AHDC1: variants seen among roughly 807,000 people sequenced by gnomAD.
AHDC1 encodes the protein transcription factor Gibbin.
AHDC1 carries 7 observed loss-of-function variants against 87.9 expected under a neutral mutation model. The observed-to-expected ratio is 0.08, with a 90% confidence interval of 0.05 to 0.15. AHDC1 has a LOEUF of 0.15. Among genes scored for constraint, AHDC1 ranks in the 10% least tolerant of loss-of-function variants. AHDC1 has a pLI of 1.00. For synonymous variants in AHDC1, 1,051 were observed against 1,006.8 expected, an observed-to-expected ratio of 1.04 and a Z score of -0.83; for missense variants, 1,841 against 2,253.2, an observed-to-expected ratio of 0.82 and a Z score of 3.70.
intron 3 of AHDC1, among the ~76,000 whole-genome samples, chr1:27,596,608 C>T (rs1341197194): frequency 3.3e-5 from 5 of 152,118 alleles, no homozygotes; most frequent in African/African-American, 9.7e-5. Flanking sequence ...CAGCCTCACA[C>T]CTGAACTACA....
In AHDC1 at chr1:27,595,472, TTG is replaced by T. The variant is rs765934764; in HGVS notation, c.-629+7923_-629+7924del. ...TAGCTGTGTGTGTGTGTGTGTGTGATTGTGTGTGTGTTGGGGTGTTTAGGGAT... is the reference window on the plus strand; with the variant it reads ...TAGCTGTGTGTGTGTGTGTGTGTGATTGTGTGTGTTGGGGTGTTTAGGGAT... On this transcript the variant is annotated intron_variant, in intron 3 of 8. Coordinates refer to ENST00000673934, the MANE Select transcript of AHDC1 (RefSeq NM_001371928.1). The surrounding 1 kb of genome is among the most constrained non-coding windows in gnomAD (Gnocchi z 4.0). 1.3e-4 allele frequency among the ~76,000 whole-genome samples: 17 copies of T among 131,840 alleles called. No individual in the cohort carries two copies. The highest frequency in any genetic ancestry group is 3.6e-4 in the Admixed American group (5 of 13,942). The allele number at this position is 131,840 out of a possible 152,430, so 86.5% of individuals were successfully genotyped here. A position where few individuals can be genotyped will look rare whatever the true frequency, so the allele number is the denominator to read the frequency against.
At position 27,551,823 on chromosome 1, in the gene AHDC1, G is replaced by A. The variant is rs1188980326; in HGVS notation, c.293C>T (p.Pro98Leu). ...AARPVSQARCPTPVGDGSSSR... is the reference protein window; with the variant it reads ...AARPVSQARCLTPVGDGSSSR... ...GCTGCTGCCGTCTCCGACCGGTGTG[G>A]GGCAGCGGGCCTGTGAGACAGGACG... Residue 98 changes from proline (P) to leucine (L), a missense_variant, in exon 8 of 9, where the codon CCC becomes CTC. Physicochemically the swap from Pro to Leu is moderately conservative, Grantham distance 98. Transcript: ENST00000673934. 1.9e-6 allele frequency: 3 copies of A among 1,612,012 alleles called. No homozygotes were observed. Among genetic ancestry groups the A allele is most frequent in the Admixed American group, 1.7e-5 (1 of 59,996 alleles).
chr1:27,575,763 C>G (rs1163670607), intron 3 of AHDC1, among the ~76,000 whole-genome samples: 2 of 151,812 alleles, frequency 1.3e-5, no homozygotes, highest in African/African-American at 4.8e-5. Context: ...CGCCCCGGGC[C>G]CGGCGGAATG....
intron 3 of AHDC1, among the ~76,000 whole-genome samples, chr1:27,559,862 T>C (rs2019989624): frequency 6.6e-6 from 1 of 152,228 alleles, no homozygotes; most frequent in African/African-American, 2.4e-5. Flanking sequence ...GGATTGCTTA[T>C]AGGTTCTGGT....
At chr1:27,570,938 C>G (rs1249506894) in intron 3 of AHDC1, among the ~76,000 whole-genome samples, 2 of 152,074 alleles carry the variant, frequency 1.3e-5, no homozygotes, top group African/African-American at 4.8e-5. Flanking sequence ...CTGGTCAGGT[C>G]TGAGCTGACC....
chr1:27,562,390 G>A lies in AHDC1; in HGVS notation c.-628-3507C>T, dbSNP rs1451700371. Among the ~76,000 whole-genome samples, 3 of 152,116 alleles carry A rather than the reference G, an allele frequency of 2.0e-5. No homozygotes were observed. Among genetic ancestry groups the A allele is most frequent in the Non-Finnish European group, 4.4e-5 (3 of 68,018 alleles). The stretch of plus-strand genomic sequence containing the variant: ...CAGAGCTGCCCCGATTAATCCTGTG[G>A]CTCCAGAGCCTTAATTAGTTTAACA... On this transcript the variant is annotated intron_variant, in intron 3 of 8. Coordinates refer to ENST00000673934, the MANE Select transcript of AHDC1 (RefSeq NM_001371928.1). The surrounding 1 kb of genome is among the most constrained non-coding windows in gnomAD (Gnocchi z 4.4).
chr1:27,570,764 A>G (rs1025824878), intron 3 of AHDC1, among the ~76,000 whole-genome samples: 1 of 152,200 alleles, frequency 6.6e-6, no homozygotes, highest in Non-Finnish European at 1.5e-5. Context: ...TGAGGCCTAG[A>G]GGAATGAGGA....
intron 3 of AHDC1, among the ~76,000 whole-genome samples, chr1:27,578,572 G>C (rs2088822042): frequency 1.3e-5 from 2 of 151,572 alleles, no homozygotes; most frequent in South Asian, 4.2e-4. Context: ...GAGGGCAACA[G>C]AGCAAGACTC....
intron 3 of AHDC1, among the ~76,000 whole-genome samples, chr1:27,599,755 C>T (rs1289730480): frequency 2.0e-5 from 3 of 148,358 alleles, no homozygotes; most frequent in Admixed American, 2.0e-4. Context: ...ACAGGCCACG[C>T]CCCCCCGGGT....
At chr1:27,536,098 G>A (rs980149541) in intron 8 of AHDC1, among the ~76,000 whole-genome samples, 7 of 152,178 alleles carry the variant, frequency 4.6e-5, no homozygotes, top group Admixed American at 6.5e-5. Context: ...GAGCCCATCC[G>A]TCCTCCCCCA....
At chr1:27,569,359 TG>T (rs2020469758) in intron 3 of AHDC1, among the ~76,000 whole-genome samples, 1 of 152,120 alleles carries the variant, frequency 6.6e-6, no homozygotes, top group Non-Finnish European at 1.5e-5. Context: ...ATTTTGTAGA[TG>T]GGGGAACTGA....
intron 3 of AHDC1, among the ~76,000 whole-genome samples, chr1:27,575,038 C>A (rs1286992442): frequency 6.6e-6 from 1 of 152,184 alleles, no homozygotes; most frequent in Non-Finnish European, 1.5e-5. Context: ...GGAGGCGGGG[C>A]GGGGGTGCTG....
At chr1:27,564,987 G>C (rs372588677) in intron 3 of AHDC1, among the ~76,000 whole-genome samples, 1 of 152,144 alleles carries the variant, frequency 6.6e-6, no homozygotes, top group Non-Finnish European at 1.5e-5. Flanking sequence ...TCCTGGCCAC[G>C]GACAGCCTCA....
intron 3 of AHDC1, among the ~76,000 whole-genome samples, chr1:27,573,022 G>C (rs1202945391): frequency 6.6e-6 from 1 of 152,212 alleles, no homozygotes; most frequent in Non-Finnish European, 1.5e-5. Context: ...AGAGACCTAG[G>C]GAAGCAGCGG....
Position 27,548,836 on chromosome 1 carries a change from G to A in AHDC1, c.3280C>T (p.Pro1094Ser). Residue 1094 changes from proline to serine, a missense_variant, in exon 8 of 9, where the codon CCC becomes TCC. Around this residue, in one of 13 missense-constraint regions of AHDC1, gnomAD observed 378 missense variants for 399.0 expected, o/e 0.95. Coordinates refer to ENST00000673934, the MANE Select transcript of AHDC1 (RefSeq NM_001371928.1). ...AACTGCCGACAGTTCTCGGGCGAGG[G>A]CTGGAAGGAGGAGGAGGAGGAGGAG... ...AASSSSSSFQ[P>S]SPENCRQFAG... is the part of the protein sequence containing the mutation. The A allele has an allele frequency of 6.2e-7, 1 of 1,613,060 alleles. No homozygotes were observed. The highest frequency in any genetic ancestry group is 8.5e-7 in the Non-Finnish European group (1 of 1,179,960).
intron 8 of AHDC1, among the ~76,000 whole-genome samples, chr1:27,538,742 T>C (rs1162630834): frequency 6.6e-6 from 1 of 152,162 alleles, no homozygotes. Context: ...CTCGACCTCC[T>C]GAACTCAAGC....
Position 27,595,472 on chromosome 1 carries a change from T to TTG in AHDC1, c.-629+7923_-629+7924dup, listed in dbSNP as rs765934764. On this transcript the variant is annotated intron_variant, in intron 3 of 8. Coordinates refer to ENST00000673934, the MANE Select transcript of AHDC1 (RefSeq NM_001371928.1). This position sits in a 1 kb window ranked among gnomAD's most constrained non-coding sequence, Gnocchi z 4.0. ...TAGCTGTGTGTGTGTGTGTGTGTGA[T>TTG]TGTGTGTGTGTTGGGGTGTTTAGGG... Among the ~76,000 whole-genome samples the TTG allele has an allele frequency of 7.6e-6, 1 of 131,842 alleles. No homozygotes were observed. Among genetic ancestry groups the TTG allele is most frequent in the Non-Finnish European group, 1.5e-5 (1 of 64,546 alleles). The allele number at this position is 131,842 out of a possible 152,430, so 86.5% of individuals were successfully genotyped here. A position where few individuals can be genotyped will look rare whatever the true frequency, so the allele number is the denominator to read the frequency against.
chr1:27,569,610 G>A (rs1479405862), intron 3 of AHDC1, among the ~76,000 whole-genome samples: 1 of 152,174 alleles, frequency 6.6e-6, no homozygotes, highest in Non-Finnish European at 1.5e-5. Flanking sequence ...GTTTGGAGAA[G>A]GGAAGAACAT....
At chr1:27,584,836 C>A (rs1008385252) in intron 3 of AHDC1, among the ~76,000 whole-genome samples, 1 of 152,084 alleles carries the variant, frequency 6.6e-6, no homozygotes, top group Non-Finnish European at 1.5e-5. Flanking sequence ...GATGCCTTAT[C>A]CCCCAGGAAT....
Sources: allele counts gnomAD v4.1 joint callset (sites outside exome capture counted in the v4.1 genomes callset), GRCh38; gene constraint gnomAD v4.1.1; regional missense constraint gnomAD v4.1.1; non-coding constraint Gnocchi (gnomAD v3.1); transcripts MANE v1.5; gene names NCBI Gene and HGNC (gene_info 2026-07-23, HGNC 2026-07-21).